The following CACNB4 variants were observed in gnomAD, a reference collection of about 807,000 sequenced individuals.
The protein encoded by CACNB4 is calcium voltage-gated channel auxiliary subunit beta 4.
A neutral mutation model predicts 71.2 loss-of-function variants in CACNB4; 32 were observed. The observed-to-expected ratio is 0.45, with a 90% CI of 0.34 to 0.60. The LOEUF is 0.60. CACNB4 is among the 20% of genes least tolerant of loss of function. CACNB4 has a pLI of 0.01. For missense variants in CACNB4, 464 were observed against 647.9 expected (o/e 0.72, Z 3.08); for synonymous variants, 231 against 236.9 (o/e 0.97, Z 0.23).
intron 6 of CACNB4, chr2:151,871,164 G>A (rs1481221744): frequency 4.7e-6 from 2 of 427,810 alleles, no homozygotes; most frequent in Non-Finnish European, 8.3e-6. Context: ...CAATCACCAT[G>A]GGTTGTTCCC....
Position 151,878,550 on chromosome 2 carries a change from T to TACACACACACACACACACACACACACAC in CACNB4, c.391-2022_391-1995dup, listed in dbSNP as rs60040188. The stretch of plus-strand genomic sequence containing the variant: ...CAGGGTAACATAGCAAGACCCTGTC[T>TACACACACACACACACACACACACACAC]ACACACACACACACACACACACACA... On this transcript the variant is annotated intron_variant, in intron 4 of 13. Transcript: ENST00000539935. 1.7e-3 allele frequency among the ~76,000 whole-genome samples: 227 copies of TACACACACACACACACACACACACACAC among 129,942 alleles called. 2 individuals are homozygous for TACACACACACACACACACACACACACAC. Among genetic ancestry groups the TACACACACACACACACACACACACACAC allele is most frequent in the Middle Eastern group, 0.012 (3 of 256 alleles). The allele number at this position is 129,942 out of a possible 152,430, so 85.2% of individuals were successfully genotyped here.
intron 2 of CACNB4, among the ~76,000 whole-genome samples, chr2:151,958,059 G>C (rs747994034): frequency 6.6e-6 from 1 of 152,166 alleles, no homozygotes; most frequent in Non-Finnish European, 1.5e-5. Flanking sequence ...GAAAGGGACG[G>C]AGTATGGTGA....
chr2:152,088,016 A>G (rs1485767126), intron 2 of CACNB4, among the ~76,000 whole-genome samples: 1 of 152,180 alleles, frequency 6.6e-6, no homozygotes, highest in Non-Finnish European at 1.5e-5. Context: ...AGATTAGTGG[A>G]TGCCTAGGGC....
chr2:151,925,209 G>A (rs1221097434), intron 2 of CACNB4, among the ~76,000 whole-genome samples: 1 of 152,188 alleles, frequency 6.6e-6, no homozygotes, highest in Non-Finnish European at 1.5e-5. Flanking sequence ...GCTACTTGAA[G>A]CATTTCTATT....
chr2:151,994,885 C>T (rs1218631554), intron 2 of CACNB4, among the ~76,000 whole-genome samples: 6 of 152,086 alleles, frequency 3.9e-5, no homozygotes, highest in African/African-American at 1.4e-4. Context: ...CCTTCTGCCT[C>T]AGCCTCCCAA....
chr2:151,939,192 C>T (rs774938301), intron 2 of CACNB4, among the ~76,000 whole-genome samples: 1 of 152,220 alleles, frequency 6.6e-6, no homozygotes, highest in Non-Finnish European at 1.5e-5. Context: ...AGAAAAGAGT[C>T]TACCCTCAGT....
intron 10 of CACNB4, chr2:151,857,058 T>G (rs2099840497): frequency 6.6e-6 from 1 of 152,222 alleles, no homozygotes; most frequent in Non-Finnish European, 1.5e-5. Flanking sequence ...AATGTTGCTC[T>G]AAATATCCTC....
At chr2:152,039,367 G>GA in intron 2 of CACNB4, among the ~76,000 whole-genome samples, 1 of 150,612 alleles carries the variant, frequency 6.6e-6, no homozygotes, top group East Asian at 2.0e-4. Context: ...AGTGAGCTGA[G>GA]ATCTCGACAC....
At chr2:152,006,503 A>G (rs1682737344) in intron 2 of CACNB4, among the ~76,000 whole-genome samples, 1 of 151,372 alleles carries the variant, frequency 6.6e-6, no homozygotes, top group African/African-American at 2.4e-5. Flanking sequence ...CCTGGGTTCA[A>G]GCGATTCATG....
At chr2:151,998,071 C>T (rs1205898456) in intron 2 of CACNB4, among the ~76,000 whole-genome samples, 2 of 151,952 alleles carry the variant, frequency 1.3e-5, no homozygotes, top group African/African-American at 2.4e-5. Context: ...GTCTGTAATC[C>T]CAGCACTTTG....
intron 2 of CACNB4, among the ~76,000 whole-genome samples, chr2:151,998,338 A>G (rs1682192210): frequency 6.6e-6 from 1 of 150,544 alleles, no homozygotes; most frequent in South Asian, 2.1e-4. Context: ...AAAAAAAAAA[A>G]AAAAAGTTGA....
intron 2 of CACNB4, among the ~76,000 whole-genome samples, chr2:152,024,240 C>G (rs987438901): frequency 2.6e-5 from 4 of 152,196 alleles, no homozygotes; most frequent in Non-Finnish European, 5.9e-5. Flanking sequence ...GAAGGACAAA[C>G]TAAGCCCAGG....
intron 2 of CACNB4, among the ~76,000 whole-genome samples, chr2:152,033,636 A>G (rs911427644): frequency 1.2e-4 from 18 of 152,212 alleles, no homozygotes; most frequent in Non-Finnish European, 1.9e-4. Context: ...CAGACGGTAT[A>G]GTCTCAAAGG....
At chr2:151,949,683 TTC>T (rs1276185027) in intron 2 of CACNB4, among the ~76,000 whole-genome samples, 7 of 152,142 alleles carry the variant, frequency 4.6e-5, no homozygotes, top group Non-Finnish European at 1.0e-4. Context: ...CTGCAATGGG[TTC>T]TGAAGGCCAT....
At chr2:151,884,740 G>A (rs2099848913) in intron 2 of CACNB4, among the ~76,000 whole-genome samples, 1 of 152,060 alleles carries the variant, frequency 6.6e-6, no homozygotes, top group Admixed American at 6.6e-5. Flanking sequence ...AAAAACCCTG[G>A]AGGTTTGTCT....
chr2:151,918,951 T>C (rs777808743), intron 2 of CACNB4, among the ~76,000 whole-genome samples: 4 of 152,182 alleles, frequency 2.6e-5, no homozygotes, highest in Admixed American at 6.5e-5. Context: ...CCTTCCTAAA[T>C]CAAAAGGTAT....
intron 2 of CACNB4, among the ~76,000 whole-genome samples, chr2:152,067,393 G>GGA (rs1686406584): frequency 6.8e-6 from 1 of 146,816 alleles, no homozygotes; most frequent in African/African-American, 2.5e-5. Flanking sequence ...GTGTGTGGGG[G>GGA]GGGGGGTGCC....
intron 2 of CACNB4, among the ~76,000 whole-genome samples, chr2:152,050,758 G>A (rs1249611952): frequency 6.6e-6 from 1 of 151,728 alleles, no homozygotes; most frequent in East Asian, 2.0e-4. Context: ...CACTTGTGGG[G>A]TTTTTCTGCT....
intron 12 of CACNB4, among the ~76,000 whole-genome samples, chr2:151,843,586 G>A (rs1021510948): frequency 6.6e-6 from 1 of 152,136 alleles, no homozygotes; most frequent in African/African-American, 2.4e-5. Flanking sequence ...AAAGTGCTGG[G>A]ATTACAGACG....
Sources: allele counts gnomAD v4.1 joint callset (sites outside exome capture counted in the v4.1 genomes callset), GRCh38; gene constraint gnomAD v4.1.1; transcripts MANE v1.5; gene names NCBI Gene and HGNC (gene_info 2026-07-23, HGNC 2026-07-21).